The following MYO15B variants were observed in gnomAD, a reference collection of about 807,000 sequenced individuals.
The protein encoded by MYO15B is myosin XVB pseudogene.
In MYO15B, 207 loss-of-function variants were observed where a neutral mutation model predicts 119.3. The observed-to-expected ratio is 1.73, with a 90% CI of 1.55 to 1.95. MYO15B has a LOEUF of 1.95. Ranked by LOEUF, MYO15B falls within the 30% of genes most tolerant of loss-of-function variation. The pLI is 0.00. For synonymous variants in MYO15B, 966 were observed against 498.9 expected (o/e 1.94, Z -12.48); for missense variants, 2,264 against 1,203.1 (o/e 1.88, Z -13.04).
At position 75,615,474 on chromosome 17, in the gene MYO15B, A is replaced by G. The variant is rs576063371; in HGVS notation, c.5741-29A>G. 8.5e-3 allele frequency: 5,738 copies of G among 678,730 alleles called. 55 individuals carry two copies. The highest frequency in any genetic ancestry group is 0.012 in the Non-Finnish European group (4,361 of 372,146). The allele number at this position is 678,730 out of a possible 1,614,324, so 42.0% of individuals were successfully genotyped here. On this transcript the variant is annotated intron_variant, in intron 34 of 63. Coordinates refer to ENST00000645453, the Ensembl canonical transcript of MYO15B. ...AGCTTCAAGGCTGGCCATGGTGCCC[A>G]CCACTCTGGCCGCCTGCCGCCCTCA...
intron 23 of MYO15B, 131 bp from the exon 24 acceptor site, chr17:75,611,468 CAA>C (rs11410750): frequency 0.077 from 33,692 of 439,722 alleles, no homozygotes; most frequent in South Asian, 0.096. Context: ...GACCCTGCCT[CAA>C]AAAAAAAAAA....
At chr17:75,613,535 C>G (rs1243244097) in intron 28 of MYO15B, 64 bp downstream of exon 28, 1 of 651,660 alleles carries the variant, frequency 1.5e-6, no homozygotes, top group Admixed American at 2.6e-5. Flanking sequence ...CCCCTTTGCC[C>G]TCCCTGGAAC....
At chr17:75,617,097 A>G in exon 41 of MYO15B, 3 of 675,188 alleles carry the variant, frequency 4.4e-6, no homozygotes, top group South Asian at 3.1e-5. Flanking sequence ...GCTGTCCCCC[A>G]GCCCAGGAAA....
At position 75,602,248 on chromosome 17, in the gene MYO15B, A is replaced by T. The variant is rs1027014621; in HGVS notation, c.3652-269A>T. 5.3e-6 allele frequency: 3 copies of T among 561,982 alleles called. No individual in the cohort carries two copies. The East Asian group carries it at 9.3e-5, about 17-fold the overall frequency. 34.8% of individuals were successfully genotyped at this position (561,982 alleles called of 1,614,324 possible). ...GATTTAATATGGAGAGACAGACAAC[A>T]TTCTTGTCTAGTCAACCTATTGACT... is the stretch of plus-strand genomic sequence containing the variant. On this transcript the variant is annotated intron_variant, in intron 15 of 63. Coordinates refer to ENST00000645453, the Ensembl canonical transcript of MYO15B.
At chr17:75,588,381 G>A (rs1340362676) in exon 1 of MYO15B, 4 of 398,514 alleles carry the variant, frequency 1.0e-5, no homozygotes, top group African/African-American at 2.1e-5. Context: ...GCCGCGGGGG[G>A]CGCCTGGAGG....
At position 75,613,703 on chromosome 17, in the gene MYO15B, AGAG is replaced by A; in HGVS notation, c.5149_5151del (p.Glu1717del). 1 of 701,704 alleles carries A rather than the reference AGAG, an allele frequency of 1.4e-6. No homozygotes were observed. Among genetic ancestry groups the A allele is most frequent in the South Asian group, 1.5e-5 (1 of 67,452 alleles). The allele number at this position is 701,704 out of a possible 1,614,324, so 43.5% of individuals were successfully genotyped here. ...TTGCCCCCGCCCCCCATGCCCCTGC[AGAG>A]GAGTGCTACTCGGCCGAGGTGGAGT... On this transcript the variant is annotated splice_acceptor_variant and coding_sequence_variant, in exon 29 of 64. Transcript: ENST00000645453. LOFTEE classifies it high-confidence loss of function.
exon 17 of MYO15B, chr17:75,602,904 C>T: frequency 1.5e-6 from 1 of 689,082 alleles, no homozygotes; most frequent in South Asian, 1.5e-5. Context: ...TGGCCTCTCG[C>T]TTCCAGCAGG....
chr17:75,625,418 T>C (rs2058983231), intron 60 of MYO15B, 109 bp from the exon 61 acceptor site: 5 of 665,380 alleles, frequency 7.5e-6, no homozygotes, highest in Non-Finnish European at 8.2e-6. Flanking sequence ...TTCATGTGTA[T>C]GGATGTCTAG....
At chr17:75,621,149 G>A (rs896143951) in exon 50 of MYO15B, 21 of 700,078 alleles carry the variant, frequency 3.0e-5, no homozygotes, top group East Asian at 8.0e-5. Context: ...GAATTCGCCC[G>A]GCGTTACTTC....
chr17:75,594,892 A>G (rs2056752089), exon 12 of MYO15B: 1 of 702,942 alleles, frequency 1.4e-6, no homozygotes, highest in Admixed American at 2.0e-5. Flanking sequence ...GCTTCTGAGG[A>G]GAACCAATGC....
intron 19 of MYO15B, among the ~76,000 whole-genome samples, chr17:75,604,527 G>T (rs2057497098): frequency 9.4e-6 from 1 of 106,724 alleles, no homozygotes; most frequent in African/African-American, 3.6e-5. Flanking sequence ...TCCCTTCCAT[G>T]CCCCTCCCTT....
intron 61 of MYO15B, 72 bp downstream of exon 61, chr17:75,625,732 G>A (rs953340104): frequency 1.7e-5 from 12 of 701,258 alleles, no homozygotes; most frequent in African/African-American, 1.2e-4. Flanking sequence ...GTAGAGGGGC[G>A]AGGAGGGGTC....
At chr17:75,614,640 C>G (rs752483809) in exon 31 of MYO15B, 1 of 700,916 alleles carries the variant, frequency 1.4e-6, no homozygotes. Flanking sequence ...CCCCAGGACC[C>G]CCTCCAGGTC....
rs1272410312 is a variant in MYO15B, at chr17:75,614,569, C to A, written c.5382-14C>A. 1.4e-6 allele frequency: 1 copy of A among 700,346 alleles called. No individual in the cohort carries two copies. The highest frequency in any genetic ancestry group is 2.7e-5 in the East Asian group (1 of 37,282). 43.4% of individuals were successfully genotyped at this position (700,346 alleles called of 1,614,324 possible). On this transcript the variant is annotated splice_polypyrimidine_tract_variant and intron_variant, in intron 30 of 63. Transcript: ENST00000645453. ...GCCTTGGCCACCCCCTTAGCTGGAT[C>A]CCGTTTCCTGCAGAGCCGAGGCCAT...
chr17:75,595,288 C>G (rs1012420143), intron 12 of MYO15B, among the ~76,000 whole-genome samples: 12 of 152,204 alleles, frequency 7.9e-5, no homozygotes, highest in African/African-American at 2.7e-4. Flanking sequence ...CCACGTTCAT[C>G]CAAGCATGGT....
exon 1 of MYO15B, chr17:75,588,063 C>T: frequency 5.0e-6 from 2 of 398,354 alleles, no homozygotes; most frequent in Admixed American, 8.8e-5. Context: ...CAGCCATGGG[C>T]AGGAACCAGC....
At chr17:75,590,946 C>G (rs1404556666) in exon 3 of MYO15B, 6 of 547,734 alleles carry the variant, frequency 1.1e-5, no homozygotes, top group Non-Finnish European at 3.3e-6. Context: ...GAACCCCCAC[C>G]GGTCCTTGCC....
intron 5 of MYO15B, 82 bp from the exon 6 acceptor site, chr17:75,591,895 C>T (rs983058324): frequency 2.9e-6 from 2 of 678,522 alleles, no homozygotes; most frequent in Non-Finnish European, 5.4e-6. Flanking sequence ...ACTGACGCCT[C>T]CCTGGACCTG....
rs993291314 is a variant in MYO15B, at chr17:75,591,600, G to A, written c.2436-1G>A. The stretch of plus-strand genomic sequence containing the variant: ...GACCCTACCAACCAACACATCCTTA[G>A]CTCCTCCCACTGCAGTGGGCACAGT... On this transcript the variant is annotated splice_acceptor_variant, in intron 4 of 63. Transcript: ENST00000645453. LOFTEE classifies it high-confidence loss of function. 5.7e-6 allele frequency: 4 copies of A among 702,678 alleles called. No homozygotes were observed. In the African/African-American group the frequency reaches 7.0e-5, roughly 12 times the overall value. The allele number at this position is 702,678 out of a possible 1,614,324, so 43.5% of individuals were successfully genotyped here. A position where few individuals can be genotyped will look rare whatever the true frequency, so the allele number is the denominator to read the frequency against.
Sources: gnomAD v4.1 joint callset for allele counts (sites outside exome capture counted in the v4.1 genomes callset) on GRCh38, gnomAD v4.1.1 for gene constraint, MANE v1.5 for transcripts, NCBI Gene and HGNC (gene_info 2026-07-23, HGNC 2026-07-21) for gene names.